ABCA13: variants seen among roughly 807,000 people sequenced by gnomAD.
ABCA13 encodes ATP binding cassette subfamily A member 13.
Under a neutral mutation model 478.7 loss-of-function variants are expected in ABCA13, and 476 were observed. The observed-to-expected ratio is 0.99, with a 90% confidence interval of 0.92 to 1.07. The LOEUF (loss-of-function observed/expected upper bound fraction) is 1.07. Among genes scored for constraint, ABCA13 ranks in the 50% least tolerant of loss-of-function variants. ABCA13 has a pLI of 0.00. For missense variants in ABCA13, 6,060 were observed against 5,910.6 expected (o/e 1.03, Z -0.83); for synonymous variants, 2,252 against 2,158.9 (o/e 1.04, Z -1.20).
chr7:48,269,541 T>C (rs1245804852), intron 16 of ABCA13, among the ~76,000 whole-genome samples: 2 of 152,204 alleles, frequency 1.3e-5, no homozygotes, highest in African/African-American at 4.8e-5. Flanking sequence ...TTTCAGCACG[T>C]GTATTGAAAT....
At chr7:48,427,612 G>C (rs1306102682) in intron 41 of ABCA13, among the ~76,000 whole-genome samples, 154 bp from the exon 42 acceptor site, 1 of 152,212 alleles carries the variant, frequency 6.6e-6, no homozygotes, top group South Asian at 2.1e-4. Context: ...GGTAGTCTTA[G>C]AGTTATGCCA....
chr7:48,551,957 A>G (rs1785368307), intron 55 of ABCA13, among the ~76,000 whole-genome samples: 1 of 151,798 alleles, frequency 6.6e-6, no homozygotes, highest in Non-Finnish European at 1.5e-5. Flanking sequence ...TTGTTCAGAT[A>G]TTTACATGTT....
At chr7:48,286,670 A>T (rs1412473507) in intron 19 of ABCA13, among the ~76,000 whole-genome samples, 1 of 151,676 alleles carries the variant, frequency 6.6e-6, no homozygotes, top group Non-Finnish European at 1.5e-5. Flanking sequence ...ATGCCCGGTT[A>T]ATTTTTGTAT....
intron 32 of ABCA13, among the ~76,000 whole-genome samples, chr7:48,370,857 G>T (rs886346075): frequency 2.0e-5 from 3 of 152,032 alleles, no homozygotes; most frequent in African/African-American, 7.2e-5. Flanking sequence ...CCCAAACCTA[G>T]CAGAAGAAAA....
intron 24 of ABCA13, 66 bp from the exon 25 acceptor site, chr7:48,313,001 T>C: frequency 2.1e-6 from 3 of 1,427,968 alleles, no homozygotes; most frequent in South Asian, 1.6e-5. Context: ...GCTCAAAAGA[T>C]GCTTCTGAGT....
At chr7:48,418,243 T>C (rs1379300873) in intron 41 of ABCA13, among the ~76,000 whole-genome samples, 1 of 152,190 alleles carries the variant, frequency 6.6e-6, no homozygotes, top group Non-Finnish European at 1.5e-5. Flanking sequence ...GTGTCTTTAG[T>C]TTTGTAAGAA....
At chr7:48,317,489 C>T (rs1009459664) in intron 27 of ABCA13, among the ~76,000 whole-genome samples, 193 bp downstream of exon 27, 2 of 152,138 alleles carry the variant, frequency 1.3e-5, no homozygotes, top group African/African-American at 4.8e-5. Flanking sequence ...GACTCCTTCC[C>T]TTAGAGGACA....
At chr7:48,374,962 T>C (rs1813228681) in intron 34 of ABCA13, among the ~76,000 whole-genome samples, 3 of 152,204 alleles carry the variant, frequency 2.0e-5, no homozygotes, top group South Asian at 4.1e-4. Context: ...GAACGTTATG[T>C]GAACTGTGCA....
intron 59 of ABCA13, among the ~76,000 whole-genome samples, chr7:48,621,328 C>T (rs557745405): frequency 1.2e-3 from 189 of 152,294 alleles, no homozygotes; most frequent in African/African-American, 4.3e-3. Flanking sequence ...AATCTTACCT[C>T]GTTCCAATTC....
chr7:48,346,117 C>G (rs914584256), intron 29 of ABCA13, among the ~76,000 whole-genome samples: 11 of 152,150 alleles, frequency 7.2e-5, no homozygotes, highest in African/African-American at 2.7e-4. Flanking sequence ...TAAGTCCACT[C>G]TGTGATGTTC....
intron 39 of ABCA13, among the ~76,000 whole-genome samples, chr7:48,407,240 G>T (rs931018415): frequency 1.3e-5 from 2 of 152,084 alleles, no homozygotes; most frequent in African/African-American, 4.8e-5. Flanking sequence ...TTGGGCGGCC[G>T]AGAGAAGTGG....
chr7:48,382,062 A>C (rs2129044741), intron 35 of ABCA13, among the ~76,000 whole-genome samples: 1 of 152,270 alleles, frequency 6.6e-6, no homozygotes, highest in African/African-American at 2.4e-5. Flanking sequence ...GCAACCCTTA[A>C]TATTCAATTT....
At chr7:48,377,193 C>CAA (rs528881294) in intron 35 of ABCA13, among the ~76,000 whole-genome samples, 10 of 73,838 alleles carry the variant, frequency 1.4e-4, no homozygotes, top group South Asian at 8.4e-4. Context: ...TATCAATGGC[C>CAA]AAAAAAAAAA....
intron 59 of ABCA13, among the ~76,000 whole-genome samples, chr7:48,637,402 A>AAAAAAC (rs1794750857): frequency 1.4e-5 from 2 of 147,980 alleles, no homozygotes; most frequent in Admixed American, 6.7e-5. Flanking sequence ...AAAAAAAAAA[A>AAAAAAC]AAAACAGAGA....
intron 41 of ABCA13, among the ~76,000 whole-genome samples, chr7:48,416,890 G>A (rs964116393): frequency 2.0e-5 from 3 of 151,410 alleles, no homozygotes; most frequent in Non-Finnish European, 4.4e-5. Flanking sequence ...GTCCTTCCAT[G>A]CTCAGAATTC....
At chr7:48,404,331 A>T (rs1208601371) in intron 39 of ABCA13, 3 of 204,466 alleles carry the variant, frequency 1.5e-5, no homozygotes, top group East Asian at 2.7e-4. Flanking sequence ...CATGTTTCTC[A>T]CATCTATTAT....
At chr7:48,323,688 C>T (rs1803865776) in intron 27 of ABCA13, among the ~76,000 whole-genome samples, 1 of 152,166 alleles carries the variant, frequency 6.6e-6, no homozygotes, top group Admixed American at 6.5e-5. Context: ...ACACACCTAT[C>T]AAGTGGTGGA....
chr7:48,604,377 A>T (rs1791243329), intron 58 of ABCA13, among the ~76,000 whole-genome samples: 1 of 152,136 alleles, frequency 6.6e-6, no homozygotes, highest in African/African-American at 2.4e-5. Flanking sequence ...TAGTGCTATA[A>T]ATTTCCCTCT....
chr7:48,537,483 G>A (rs1833662777), intron 55 of ABCA13, among the ~76,000 whole-genome samples: 1 of 152,164 alleles, frequency 6.6e-6, no homozygotes, highest in Non-Finnish European at 1.5e-5. Context: ...TGGAGCAATG[G>A]CGAGAGCACA....
Sources: gnomAD v4.1 joint callset for allele counts (sites outside exome capture counted in the v4.1 genomes callset) on GRCh38, gnomAD v4.1.1 for gene constraint, MANE v1.5 for transcripts, NCBI Gene and HGNC (gene_info 2026-07-23, HGNC 2026-07-21) for gene names.